The following ADAMTS16 variants were observed in gnomAD, a reference collection of about 807,000 sequenced individuals.
The protein encoded by ADAMTS16 is ADAM metallopeptidase with thrombospondin type 1 motif 16.
In ADAMTS16, 94 loss-of-function variants were observed where a neutral mutation model predicts 145.8. That is an observed-to-expected ratio of 0.64 (90% CI 0.55 to 0.77). The LOEUF (loss-of-function observed/expected upper bound fraction) is 0.77. ADAMTS16 is among the 30% of genes least tolerant of loss of function. The pLI is 0.00. For missense variants in ADAMTS16, 1,585 were observed against 1,591.5 expected (o/e 1.00, Z 0.07); for synonymous variants, 659 against 604.3 (o/e 1.09, Z -1.33).
chr5:5,146,151 A>G lies in ADAMTS16; in HGVS notation c.197A>G (p.Tyr66Cys), dbSNP rs1239415892. 6.2e-7 allele frequency: 1 copy of G among 1,613,976 alleles called. No individual in the cohort carries two copies. Among genetic ancestry groups the G allele is most frequent in the Non-Finnish European group, 8.5e-7 (1 of 1,179,876 alleles). ...TCAGAATATGACCTGGTCTCTGCCTACGAGGTTGACCACAGGGGCGATTAC... is the reference window on the plus strand; with the variant it reads ...TCAGAATATGACCTGGTCTCTGCCTGCGAGGTTGACCACAGGGGCGATTAC... ...EKGEYDLVSA[Y>C]EVDHRGDYVS... The change falls in exon 3 of 23, where the codon TAC becomes TGC. Residue 66 changes from tyrosine to cysteine, a missense_variant. Coordinates refer to ENST00000274181, the MANE Select transcript of ADAMTS16 (RefSeq NM_139056.4).
intron 9 of ADAMTS16, among the ~76,000 whole-genome samples, chr5:5,206,869 C>A (rs1028674545): frequency 6.6e-6 from 1 of 152,106 alleles, no homozygotes; most frequent in Non-Finnish European, 1.5e-5. Context: ...GCCTTTGCTC[C>A]TTTGTCAAAG....
chr5:5,155,281 A>G (rs190000245), intron 3 of ADAMTS16, among the ~76,000 whole-genome samples: 40 of 152,164 alleles, frequency 2.6e-4, no homozygotes, highest in African/African-American at 9.6e-4. Context: ...TGGCCCACCC[A>G]TCTAAACTCG....
chr5:5,148,804 G>C (rs191940395), intron 3 of ADAMTS16, among the ~76,000 whole-genome samples: 1 of 152,340 alleles, frequency 6.6e-6, no homozygotes, highest in African/African-American at 2.4e-5. Flanking sequence ...GGCCCCAGGA[G>C]TTTATTGTCT....
rs528582583 is a variant in ADAMTS16 at position 5,182,178 on chromosome 5, T to C, written c.636T>C (p.His212=). ...HVLYKRSTEP[H]APGASEVLVT... is the part of the protein sequence containing the mutation. ...TGTACAAGAGATCCACAGAGCCCCA[T>C]GCTCCTGGGGCCAGTGAGGTCCTGG... Residue 212 remains histidine (H), a synonymous_variant, in exon 4 of 23, where the codon CAT becomes CAC. Coordinates refer to ENST00000274181, the MANE Select transcript of ADAMTS16 (RefSeq NM_139056.4). 4 of 1,614,144 alleles carry C rather than the reference T, an allele frequency of 2.5e-6. No homozygotes were observed. Among genetic ancestry groups the C allele is most frequent in the South Asian group, 1.1e-5 (1 of 91,086 alleles).
rs116755850 is a variant in ADAMTS16, at chr5:5,189,443, T to C, written c.1048-528T>C. 7.5e-3 allele frequency among the ~76,000 whole-genome samples: 1,143 copies of C among 152,318 alleles called. 16 individuals are homozygous for C. The highest frequency in any genetic ancestry group is 0.026 in the African/African-American group (1,076 of 41,564). The stretch of plus-strand genomic sequence containing the variant: ...TTTTCCAGAAATAAAGCTTTACCAA[T>C]TGACCCACCTCCTCTCAGAAATATA... On this transcript the variant is annotated intron_variant, in intron 6 of 22. Transcript: ENST00000274181.
At chr5:5,160,345 T>C (rs1261726333) in intron 3 of ADAMTS16, among the ~76,000 whole-genome samples, 1 of 152,226 alleles carries the variant, frequency 6.6e-6, no homozygotes, top group Non-Finnish European at 1.5e-5. Context: ...ATCCTAATTA[T>C]CTATTCTGCC....
Position 5,186,224 on chromosome 5 carries a change from C to T in ADAMTS16, c.936C>T (p.Thr312=). The change falls in exon 5 of 23, where the codon ACC becomes ACT. Residue 312 remains threonine (T), a synonymous_variant. Transcript: ENST00000274181. ...MMQNHGHENI[T]TYVLTILNMV... ...AAAACCATGGCCATGAAAATATCAC[C>T]ACCTACGTGCTCACGATACTCAACA... The T allele has an allele frequency of 1.2e-6, 2 of 1,613,838 alleles. No homozygotes were observed. Among genetic ancestry groups the T allele is most frequent in the Non-Finnish European group, 1.7e-6 (2 of 1,180,004 alleles).
At chr5:5,289,918 T>C (rs1342608471) in intron 18 of ADAMTS16, among the ~76,000 whole-genome samples, 1 of 152,186 alleles carries the variant, frequency 6.6e-6, no homozygotes, top group Non-Finnish European at 1.5e-5. Context: ...GTGCTGTCTC[T>C]ACATCACCTT....
intron 4 of ADAMTS16, among the ~76,000 whole-genome samples, chr5:5,185,181 G>C (rs1385769983): frequency 6.6e-6 from 1 of 152,088 alleles, no homozygotes; most frequent in Non-Finnish European, 1.5e-5. Context: ...ATTTAATTTT[G>C]GAAGTATGTT....
intron 17 of ADAMTS16, among the ~76,000 whole-genome samples, chr5:5,247,574 CA>C (rs1234389487): frequency 6.6e-6 from 1 of 151,890 alleles, no homozygotes; most frequent in African/African-American, 2.4e-5. Flanking sequence ...TGTGCAGTTC[CA>C]GCAAGCCTCC....
rs187909446 is a variant in ADAMTS16, at chr5:5,208,866, C to G, written c.1452-227C>G. ...GAAATTTAATAAGTACAAATCGTCT[C>G]CCTGGAACAGGTACAATGTATAATA... On this transcript the variant is annotated intron_variant, in intron 9 of 22. Coordinates refer to ENST00000274181, the MANE Select transcript of ADAMTS16 (RefSeq NM_139056.4). Among the ~76,000 whole-genome samples the G allele has an allele frequency of 3.9e-3, 600 of 152,218 alleles. 3 individuals are homozygous for G. Among genetic ancestry groups the G allele is most frequent in the African/African-American group, 0.014 (577 of 41,528 alleles).
Position 5,140,627 on chromosome 5 carries a change from C to CT in ADAMTS16, c.73-37_73-36insT, listed in dbSNP as rs1734133166. The CT allele has an allele frequency of 2.0e-6, 3 of 1,529,992 alleles. No individual in the cohort carries two copies. The East Asian group carries it at 7.4e-5, about 38-fold the overall frequency. 94.8% of individuals were successfully genotyped at this position (1,529,992 alleles called of 1,614,324 possible). A position where few individuals can be genotyped will look rare whatever the true frequency, so the allele number is the denominator to read the frequency against. ...CCCGCGGCTCCTCTCCCGCGGACCC[C>CT]GCCGTCTCACCGCGATGTCGCCGCT... On this transcript the variant is annotated intron_variant, in intron 1 of 22. Coordinates refer to ENST00000274181, the MANE Select transcript of ADAMTS16 (RefSeq NM_139056.4).
intron 18 of ADAMTS16, among the ~76,000 whole-genome samples, chr5:5,287,014 T>A (rs1027579971): frequency 6.6e-6 from 1 of 152,046 alleles, no homozygotes; most frequent in Non-Finnish European, 1.5e-5. Flanking sequence ...TGAAGAAGAA[T>A]GAAGGCATCA....
chr5:5,148,611 T>C (rs1734364572), intron 3 of ADAMTS16, among the ~76,000 whole-genome samples: 1 of 152,236 alleles, frequency 6.6e-6, no homozygotes, highest in Admixed American at 6.5e-5. Flanking sequence ...CCACTAATGA[T>C]TGGTTTGAGG....
At chr5:5,244,634 T>C (rs1388199240) in intron 17 of ADAMTS16, among the ~76,000 whole-genome samples, 1 of 152,214 alleles carries the variant, frequency 6.6e-6, no homozygotes, top group Non-Finnish European at 1.5e-5. Flanking sequence ...CTCCCATTCT[T>C]ATGTCACCCC....
intron 18 of ADAMTS16, among the ~76,000 whole-genome samples, chr5:5,274,717 TAC>T (rs1480901590): frequency 2.2e-5 from 3 of 135,848 alleles, no homozygotes; most frequent in Non-Finnish European, 3.1e-5. Flanking sequence ...TATATATGCA[TAC>T]ACACACATGC....
intron 21 of ADAMTS16, among the ~76,000 whole-genome samples, chr5:5,316,431 C>T (rs1046349420): frequency 2.0e-5 from 3 of 152,184 alleles, no homozygotes. Context: ...CGTTTGAGCA[C>T]AATTTACATG....
At chr5:5,247,469 A>G (rs2913637) in intron 17 of ADAMTS16, among the ~76,000 whole-genome samples, 150,566 of 152,186 alleles carry the variant, frequency 0.99, 74,498 homozygotes, top group Middle Eastern at 1. Context: ...GATGTCACCC[A>G]GGCCCATTTC....
chr5:5,292,282 C>T (rs997501084), intron 18 of ADAMTS16, among the ~76,000 whole-genome samples: 11 of 151,846 alleles, frequency 7.2e-5, no homozygotes, highest in African/African-American at 2.2e-4. Flanking sequence ...GATCACCTGA[C>T]GTCAGGAGTT....
Sources: allele counts gnomAD v4.1 joint callset (sites outside exome capture counted in the v4.1 genomes callset), GRCh38; gene constraint gnomAD v4.1.1; transcripts MANE v1.5; gene names NCBI Gene and HGNC (gene_info 2026-07-23, HGNC 2026-07-21).